The following PCDHGA10 variants were observed in gnomAD, a reference collection of about 807,000 sequenced individuals.
PCDHGA10 encodes the protein protocadherin gamma-A10.
Under a neutral mutation model 59.5 loss-of-function variants are expected in PCDHGA10, and 42 were observed. The observed-to-expected ratio is 0.71, with a 90% CI of 0.55 to 0.91. PCDHGA10 has a LOEUF of 0.91. PCDHGA10 is among the 40% of genes least tolerant of loss of function. The probability of loss-of-function intolerance (pLI) is 0.00; values close to 1 mark genes in which losing one functional copy is unlikely to be tolerated. For missense variants in PCDHGA10, 1,111 were observed against 1,198.2 expected (o/e 0.93, Z 1.07); for synonymous variants, 511 against 517.2 (o/e 0.99, Z 0.16).
intron 1 of PCDHGA10, chr5:141,418,372 A>G (rs771262387): frequency 3.1e-6 from 5 of 1,613,968 alleles, no homozygotes; most frequent in Non-Finnish European, 3.4e-6. Context: ...GCAAATACCA[A>G]CTAAGTCCTA....
Position 141,476,017 on chromosome 5 carries a change from G to C in PCDHGA10, c.2437-18790G>C. The C allele has an allele frequency of 1.5e-6, 2 of 1,369,942 alleles. No individual in the cohort carries two copies. The highest frequency in any genetic ancestry group is 2.0e-6 in the Non-Finnish European group (2 of 1,015,658). The allele number at this position is 1,369,942 out of a possible 1,614,324, so 84.9% of individuals were successfully genotyped here. A position where few individuals can be genotyped will look rare whatever the true frequency, so the allele number is the denominator to read the frequency against. On this transcript the variant is annotated intron_variant, in intron 1 of 3. Coordinates refer to ENST00000398610, the MANE Select transcript of PCDHGA10 (RefSeq NM_018913.3). This position sits in a 1 kb window ranked among gnomAD's most constrained non-coding sequence, Gnocchi z 7.6. ...CAACGGCATCCAGAAAGCCATGTCG[G>C]ACTCGGCGCCCAGCGCCCAAGCGCT...
In PCDHGA10 at chr5:141,432,976, C is replaced by A. The variant is rs373558125; in HGVS notation, c.2436+17365C>A. The stretch of plus-strand genomic sequence containing the variant: ...GCTTGACAGGAGCGCCGGCGTCGCA[C>A]TTTGTGGGCGTGGACGGGGTGCAGG... On this transcript the variant is annotated intron_variant, in intron 1 of 3. Coordinates refer to ENST00000398610, the MANE Select transcript of PCDHGA10 (RefSeq NM_018913.3). This position sits in a 1 kb window ranked among gnomAD's most constrained non-coding sequence, Gnocchi z 6.0. 1 of 1,614,210 alleles carries A rather than the reference C, an allele frequency of 6.2e-7. No individual in the cohort carries two copies.
At chr5:141,467,704 C>T (rs2099149502) in intron 1 of PCDHGA10, among the ~76,000 whole-genome samples, 2 of 152,174 alleles carry the variant, frequency 1.3e-5, no homozygotes. Flanking sequence ...CTCTGTTGCC[C>T]AGGCTGGAGT....
chr5:141,421,812 A>T, intron 1 of PCDHGA10: 1 of 1,613,822 alleles, frequency 6.2e-7, no homozygotes, highest in Non-Finnish European at 8.5e-7. Context: ...ATCCAGAGCT[A>T]GTACTGGAGG....
At position 141,477,550 on chromosome 5, in the gene PCDHGA10, C is replaced by T. The variant is rs1262360790; in HGVS notation, c.2437-17257C>T. The T allele has an allele frequency of 4.3e-6, 7 of 1,614,178 alleles. No homozygotes were observed. The highest frequency in any genetic ancestry group is 5.9e-6 in the Non-Finnish European group (7 of 1,180,036). On this transcript the variant is annotated intron_variant, in intron 1 of 3. Transcript: ENST00000398610. This position sits in a 1 kb window ranked among gnomAD's most constrained non-coding sequence, Gnocchi z 4.9. ...ACCTCCCCGGGGCTCCAATACTAAACCTAAGTGTCTGGGACCCCGACGCCC... is the reference window on the plus strand; with the variant it reads ...ACCTCCCCGGGGCTCCAATACTAAATCTAAGTGTCTGGGACCCCGACGCCC...
chr5:141,422,691 C>A, intron 1 of PCDHGA10: 1 of 1,603,878 alleles, frequency 6.2e-7, no homozygotes, highest in Non-Finnish European at 8.5e-7. Flanking sequence ...ATGCCCTGGT[C>A]ACTTACTCTC....
chr5:141,443,367 C>T (rs1305408862), intron 1 of PCDHGA10, among the ~76,000 whole-genome samples: 1 of 151,712 alleles, frequency 6.6e-6, no homozygotes, highest in African/African-American at 2.4e-5. Flanking sequence ...TGCCTGTGGT[C>T]TCAGCTACTT....
At chr5:141,484,912 T>G (rs1594427765) in intron 1 of PCDHGA10, 1 of 437,066 alleles carries the variant, frequency 2.3e-6, no homozygotes, top group East Asian at 4.0e-5. Flanking sequence ...TGCGACGCAT[T>G]AACCCTGCTG....
intron 2 of PCDHGA10, among the ~76,000 whole-genome samples, chr5:141,495,389 C>T (rs966648925): frequency 2.0e-5 from 3 of 152,204 alleles, no homozygotes; most frequent in African/African-American, 7.2e-5. Context: ...CTGGGCGGGG[C>T]ATGGAGCAGG....
chr5:141,414,301 C>A lies in PCDHGA10; in HGVS notation c.1126C>A (p.His376Asn), dbSNP rs199806270. 1.1e-5 allele frequency: 18 copies of A among 1,613,280 alleles called. No individual in the cohort carries two copies. The highest frequency in any genetic ancestry group is 1.7e-6 in the Non-Finnish European group (2 of 1,179,644). Reference protein sequence around the residue: ...LGTVVALLNVHDLDSEQNGQV... With the variant: ...LGTVVALLNVNDLDSEQNGQV... Reference sequence around the variant, plus strand: ...AACAGTCGTAGCCCTTTTAAATGTGCATGATTTAGACTCTGAGCAGAATGG... The same window carrying A: ...AACAGTCGTAGCCCTTTTAAATGTGAATGATTTAGACTCTGAGCAGAATGG... The change falls in exon 1 of 4, where the codon CAT becomes AAT. Residue 376 changes from histidine (H) to asparagine (N), a missense_variant. Coordinates refer to ENST00000398610, the MANE Select transcript of PCDHGA10 (RefSeq NM_018913.3).
At chr5:141,499,330 C>T (rs1040336371) in intron 2 of PCDHGA10, among the ~76,000 whole-genome samples, 1 of 152,170 alleles carries the variant, frequency 6.6e-6, no homozygotes, top group African/African-American at 2.4e-5. Flanking sequence ...CCTGCTCTCT[C>T]TCAGTTTGGG....
At chr5:141,418,403 G>T in intron 1 of PCDHGA10, 1 of 1,614,000 alleles carries the variant, frequency 6.2e-7, no homozygotes. Context: ...CTCATTGGTG[G>T]AGAAAGACAA....
intron 1 of PCDHGA10, among the ~76,000 whole-genome samples, chr5:141,456,621 G>T (rs6885794): frequency 0.55 from 83,339 of 152,038 alleles, 25,195 homozygotes; most frequent in African/African-American, 0.82. Context: ...CTGTAGATTT[G>T]CCTCTTCTTT....
chr5:141,414,920 C>A lies in PCDHGA10; in HGVS notation c.1745C>A (p.Ala582Glu), dbSNP rs1222364302. 1 of 1,614,146 alleles carries A rather than the reference C, an allele frequency of 6.2e-7. No homozygotes were observed. Among genetic ancestry groups the A allele is most frequent in the South Asian group, 1.1e-5 (1 of 91,078 alleles). ...PTDGSTGVEL[A>E]PRSAEPGYLV... is the part of the protein sequence containing the mutation. ...GACGGTTCCACAGGCGTGGAGCTGG[C>A]GCCCCGCTCCGCAGAGCCCGGCTAC... Residue 582 changes from alanine to glutamate, a missense_variant, in exon 1 of 4, where the codon GCG (alanine) becomes GAG (glutamate). Transcript: ENST00000398610.
rs1461837957 is a variant in PCDHGA10, at chr5:141,432,613, G to C, written c.2436+17002G>C. The C allele has an allele frequency of 6.2e-7, 1 of 1,613,946 alleles. No homozygotes were observed. The highest frequency in any genetic ancestry group is 1.3e-5 in the African/African-American group (1 of 75,056). On this transcript the variant is annotated intron_variant, in intron 1 of 3. Coordinates refer to ENST00000398610, the MANE Select transcript of PCDHGA10 (RefSeq NM_018913.3). The surrounding 1 kb of genome is among the most constrained non-coding windows in gnomAD (Gnocchi z 6.0). ...AGGCCAGCGAGCCGGGACTCTTCTC[G>C]GTGGGTCTGCACACGGGCGAGGTGC...
chr5:141,426,960 A>G, intron 1 of PCDHGA10: 1 of 456,776 alleles, frequency 2.2e-6, no homozygotes, highest in South Asian at 1.5e-5. Context: ...CACTGCTGCA[A>G]TTCAAATTGA....
rs1349189547 is a variant in PCDHGA10 at position 141,432,777 on chromosome 5, C to A, written c.2436+17166C>A. 1.2e-6 allele frequency: 2 copies of A among 1,614,154 alleles called. No individual in the cohort carries two copies. The highest frequency in any genetic ancestry group is 1.3e-5 in the African/African-American group (1 of 75,062). ...GCCGACAGCATCCCCCAAGTCCTGGCGGACCTCGGCAGCCTCGAGTCTCCA... is the reference window on the plus strand; with the variant it reads ...GCCGACAGCATCCCCCAAGTCCTGGAGGACCTCGGCAGCCTCGAGTCTCCA... On this transcript the variant is annotated intron_variant, in intron 1 of 3. Transcript: ENST00000398610. This position sits in a 1 kb window ranked among gnomAD's most constrained non-coding sequence, Gnocchi z 6.0.
intron 1 of PCDHGA10, among the ~76,000 whole-genome samples, chr5:141,468,963 C>G (rs951670777): frequency 1.3e-5 from 2 of 150,940 alleles, no homozygotes; most frequent in Admixed American, 6.6e-5. Context: ...TTTTTTTTAC[C>G]TTAGGCTTTT....
Position 141,489,576 on chromosome 5 carries a change from C to G in PCDHGA10, c.2437-5231C>G. 6.2e-7 allele frequency: 1 copy of G among 1,614,054 alleles called. No individual in the cohort carries two copies. Among genetic ancestry groups the G allele is most frequent in the Non-Finnish European group, 8.5e-7 (1 of 1,179,976 alleles). On this transcript the variant is annotated intron_variant, in intron 1 of 3. Coordinates refer to ENST00000398610, the MANE Select transcript of PCDHGA10 (RefSeq NM_018913.3). This position sits in a 1 kb window ranked among gnomAD's most constrained non-coding sequence, Gnocchi z 4.5. ...TGCCAGTGCAGGTGGTGACTGAACA[C>G]CCCCTGGAGCTAATCCGTGTAGAGG...
Sources: allele counts gnomAD v4.1 joint callset (sites outside exome capture counted in the v4.1 genomes callset), GRCh38; gene constraint gnomAD v4.1.1; non-coding constraint Gnocchi (gnomAD v3.1); transcripts MANE v1.5; gene names NCBI Gene and HGNC (gene_info 2026-07-23, HGNC 2026-07-21).